Variants in TYW1B observed in about 807,000 individuals in gnomAD.
TYW1B encodes the protein S-adenosyl-L-methionine-dependent tRNA 4-demethylwyosine synthase TYW1B.
In TYW1B, 73 loss-of-function variants were observed where a neutral mutation model predicts 86.9. The ratio of observed to expected loss-of-function variants is 0.84; its 90% CI spans 0.70 to 1.02. The LOEUF is 1.02. Ranked by LOEUF, TYW1B falls within the 50% of genes least tolerant of loss-of-function variation. The probability of loss-of-function intolerance (pLI) is 0.00; values close to 1 mark genes in which losing one functional copy is unlikely to be tolerated. For synonymous variants in TYW1B, 248 were observed against 292.8 expected (o/e 0.85, Z 1.56); for missense variants, 637 against 827.4 (o/e 0.77, Z 2.82).
intron 7 of TYW1B, among the ~76,000 whole-genome samples, chr7:72,745,984 C>T (rs1274000589): frequency 2.0e-5 from 3 of 151,784 alleles, no homozygotes; most frequent in Admixed American, 6.6e-5. Flanking sequence ...CTGCCTCAGT[C>T]TACCAAGTAG....
chr7:72,726,472 C>A (rs1200878381), intron 9 of TYW1B, among the ~76,000 whole-genome samples: 1 of 151,596 alleles, frequency 6.6e-6, no homozygotes, highest in Admixed American at 6.6e-5. Context: ...AAGCGATTCT[C>A]CTGCCTCAGC....
chr7:72,759,634 C>T (rs1787654239), intron 7 of TYW1B, among the ~76,000 whole-genome samples: 1 of 152,168 alleles, frequency 6.6e-6, no homozygotes, highest in African/African-American at 2.4e-5. Flanking sequence ...AACTCACTAT[C>T]TCTCTATTTG....
rs567027333 is a variant in TYW1B, at chr7:72,636,151, A to C, written c.1507-7154T>G. ...TTTTCAATATAAAGGTCAAAAACATATTTCCATAGATTTATTCCTAGGTAA... is the reference window on the plus strand; with the variant it reads ...TTTTCAATATAAAGGTCAAAAACATCTTTCCATAGATTTATTCCTAGGTAA... On this transcript the variant is annotated intron_variant, in intron 11 of 13. Transcript: ENST00000620995. 2.7e-4 allele frequency among the ~76,000 whole-genome samples: 41 copies of C among 152,240 alleles called. 1 individual carries two copies. The highest frequency in any genetic ancestry group is 1.8e-3 in the Admixed American group (28 of 15,280).
At chr7:72,768,559 G>T (rs1296695256) in intron 7 of TYW1B, among the ~76,000 whole-genome samples, 2 of 152,014 alleles carry the variant, frequency 1.3e-5, no homozygotes, top group African/African-American at 2.4e-5. Flanking sequence ...AGGCCGAGGC[G>T]GGCGGATCAC....
intron 11 of TYW1B, among the ~76,000 whole-genome samples, chr7:72,647,821 ACT>A (rs1812965895): frequency 6.6e-6 from 1 of 152,126 alleles, no homozygotes; most frequent in Admixed American, 6.6e-5. Flanking sequence ...AGTAGCTGGA[ACT>A]ACAGGCACAT....
intron 10 of TYW1B, among the ~76,000 whole-genome samples, chr7:72,699,327 G>A (rs1238865517): frequency 6.6e-6 from 1 of 152,128 alleles, no homozygotes; most frequent in African/African-American, 2.4e-5. Flanking sequence ...TGGAATTGGG[G>A]GATGCCTGCA....
At chr7:72,733,159 AACACACACACACACACAC>A (rs145935571) in intron 8 of TYW1B, among the ~76,000 whole-genome samples, 1 of 147,092 alleles carries the variant, frequency 6.8e-6, no homozygotes, top group African/African-American at 2.5e-5. Flanking sequence ...CCAAACCTAA[AACACACACACACACACAC>A]ACACACACAC....
intron 11 of TYW1B, among the ~76,000 whole-genome samples, chr7:72,668,958 G>T (rs1221000155): frequency 6.6e-6 from 1 of 151,952 alleles, no homozygotes; most frequent in African/African-American, 2.4e-5. Flanking sequence ...CTAAGGCAAA[G>T]ACCACATCCC....
At chr7:72,756,534 C>T (rs946088987) in intron 7 of TYW1B, among the ~76,000 whole-genome samples, 67 of 152,102 alleles carry the variant, frequency 4.4e-4, no homozygotes, top group African/African-American at 1.5e-3. Context: ...GACACCCGGC[C>T]TAGTACCGTC....
At chr7:72,824,906 C>A (rs1471460399) in intron 2 of TYW1B, among the ~76,000 whole-genome samples, 3 of 151,754 alleles carry the variant, frequency 2.0e-5, no homozygotes, top group South Asian at 2.1e-4. Flanking sequence ...AGTTTAAGAC[C>A]AGCCTGGGCA....
At chr7:72,676,323 G>C (rs1457968787) in intron 11 of TYW1B, among the ~76,000 whole-genome samples, 2 of 152,190 alleles carry the variant, frequency 1.3e-5, no homozygotes, top group South Asian at 4.1e-4. Flanking sequence ...AGCAGTACCA[G>C]AATTTAGTAA....
At chr7:72,733,636 GGGGGACAGAGCGA>G (rs1563075856) in intron 8 of TYW1B, among the ~76,000 whole-genome samples, 1 of 152,142 alleles carries the variant, frequency 6.6e-6, no homozygotes, top group Non-Finnish European at 1.5e-5. Flanking sequence ...ACTCCAGCCT[GGGGGACAGAGCGA>G]GACTCCGTCT....
At chr7:72,601,678 G>C (rs1209189240) in intron 13 of TYW1B, among the ~76,000 whole-genome samples, 1 of 139,924 alleles carries the variant, frequency 7.1e-6, no homozygotes, top group African/African-American at 2.7e-5. Flanking sequence ...AGTTTTATTT[G>C]CCAATAAAAA....
intron 6 of TYW1B, among the ~76,000 whole-genome samples, chr7:72,793,230 G>A (rs1788249290): frequency 6.6e-6 from 1 of 151,986 alleles, no homozygotes; most frequent in African/African-American, 2.4e-5. Flanking sequence ...CCAGCTACTC[G>A]GGAGGCTGAG....
intron 11 of TYW1B, among the ~76,000 whole-genome samples, chr7:72,663,712 C>T (rs1215087229): frequency 1.5e-5 from 2 of 130,096 alleles, no homozygotes; most frequent in African/African-American, 5.9e-5. Flanking sequence ...TGCAGTGAGC[C>T]GAGATCACGC....
At chr7:72,745,851 G>GGTGTGTGTGTGT (rs1162824267) in intron 7 of TYW1B, among the ~76,000 whole-genome samples, 13 of 75,068 alleles carry the variant, frequency 1.7e-4, no homozygotes, top group African/African-American at 4.1e-4. Flanking sequence ...CGTGTATAGG[G>GGTGTGTGTGTGT]GTGTGTGTGT....
At chr7:72,677,711 C>A (rs1297742134) in intron 11 of TYW1B, among the ~76,000 whole-genome samples, 4 of 151,188 alleles carry the variant, frequency 2.6e-5, no homozygotes, top group African/African-American at 9.7e-5. Context: ...TTTTATTTAT[C>A]TTTTTTTTTG....
At chr7:72,756,337 C>T (rs1485129519) in intron 7 of TYW1B, among the ~76,000 whole-genome samples, 2 of 151,788 alleles carry the variant, frequency 1.3e-5, no homozygotes, top group Admixed American at 1.3e-4. Context: ...CGGGTTCAAG[C>T]GATTCTCCCG....
Position 72,828,182 on chromosome 7 carries a change from C to T in TYW1B, c.-107G>A. ...CTACCTCGCGGCGTTAGCGCCGTAC[C>T]GAGTGGCTGCAGAACTGTGGGCAGC... On this transcript the variant is annotated 5_prime_UTR_variant, in exon 1 of 14. Transcript: ENST00000620995. 1 of 1,569,836 alleles carries T rather than the reference C, an allele frequency of 6.4e-7. No individual in the cohort carries two copies. The highest frequency in any genetic ancestry group is 8.7e-7 in the Non-Finnish European group (1 of 1,155,742).
Sources: allele counts gnomAD v4.1 joint callset (sites outside exome capture counted in the v4.1 genomes callset), GRCh38; gene constraint gnomAD v4.1.1; transcripts MANE v1.5; gene names NCBI Gene and HGNC (gene_info 2026-07-23, HGNC 2026-07-21).